CTNNA3: variants seen among roughly 807,000 people sequenced by gnomAD.
The protein encoded by CTNNA3 is catenin alpha-3.
In CTNNA3, 76 loss-of-function variants were observed where a neutral mutation model predicts 95.7. That is an observed-to-expected ratio of 0.79 (90% confidence interval 0.66 to 0.96). CTNNA3 has a LOEUF of 0.96. CTNNA3 is among the 40% of genes least tolerant of loss of function. CTNNA3 has a pLI of 0.00. For missense variants in CTNNA3, 1,191 were observed against 1,089.8 expected (o/e 1.09, Z -1.31); for synonymous variants, 431 against 374.4 (o/e 1.15, Z -1.74).
intron 11 of CTNNA3, among the ~76,000 whole-genome samples, chr10:66,398,044 T>C (rs1363571320): frequency 6.6e-6 from 1 of 151,932 alleles, no homozygotes; most frequent in Non-Finnish European, 1.5e-5. Flanking sequence ...GAGTAATATT[T>C]ATATAAAAGA....
rs191107368 is a variant in CTNNA3 at position 66,820,379 on chromosome 10, C to T, written c.1048-44855G>A. 7.7e-4 allele frequency among the ~76,000 whole-genome samples: 116 copies of T among 150,878 alleles called. 1 individual carries two copies. The highest frequency in any genetic ancestry group is 3.4e-3 in the Middle Eastern group (1 of 292). On this transcript the variant is annotated intron_variant, in intron 7 of 17. Coordinates refer to ENST00000433211, the MANE Select transcript of CTNNA3 (RefSeq NM_013266.4). ...ATTAAAGGGTTTTTTTTTGAGGTGA[C>T]GAAAATATACTAGTATTAGATAATG...
At chr10:66,515,079 A>G (rs1440982381) in intron 11 of CTNNA3, among the ~76,000 whole-genome samples, 1 of 152,090 alleles carries the variant, frequency 6.6e-6, no homozygotes, top group East Asian at 1.9e-4. Flanking sequence ...ATATTTTACC[A>G]CATGTGATCT....
chr10:66,880,991 A>T (rs1407771174), intron 7 of CTNNA3, among the ~76,000 whole-genome samples: 1 of 152,096 alleles, frequency 6.6e-6, no homozygotes, highest in East Asian at 1.9e-4. Flanking sequence ...AGCCATGGAG[A>T]ATGTTGAATT....
intron 3 of CTNNA3, among the ~76,000 whole-genome samples, chr10:67,597,860 G>C (rs1842973131): frequency 6.6e-6 from 1 of 152,210 alleles, no homozygotes; most frequent in African/African-American, 2.4e-5. Flanking sequence ...AAAGTGGTGG[G>C]TGGAAGCTGT....
chr10:66,566,223 G>A (rs1842700568), intron 10 of CTNNA3, among the ~76,000 whole-genome samples: 1 of 152,114 alleles, frequency 6.6e-6, no homozygotes. Flanking sequence ...TCCCAAAATG[G>A]AACAGTGATA....
At chr10:67,007,392 C>A (rs1186140592) in intron 7 of CTNNA3, among the ~76,000 whole-genome samples, 2 of 148,864 alleles carry the variant, frequency 1.3e-5, no homozygotes, top group Middle Eastern at 3.5e-3. Context: ...TTATTGGCTT[C>A]AATCTGACTT....
At position 66,981,632 on chromosome 10, in the gene CTNNA3, C is replaced by T. The variant is rs569038023; in HGVS notation, c.1047+198685G>A. On this transcript the variant is annotated intron_variant, in intron 7 of 17. Coordinates refer to ENST00000433211, the MANE Select transcript of CTNNA3 (RefSeq NM_013266.4). ...TGGCATCTGTGGTTAATTTTTAGTA[C>T]AATATTGCACATATTGAATGGCAGT... 2.0e-5 allele frequency among the ~76,000 whole-genome samples: 3 copies of T among 152,292 alleles called. No individual in the cohort carries two copies. The South Asian group carries it at 6.2e-4, about 32-fold the overall frequency.
chr10:66,284,856 G>A (rs537418433), intron 12 of CTNNA3, among the ~76,000 whole-genome samples: 3 of 151,744 alleles, frequency 2.0e-5, no homozygotes, highest in Non-Finnish European at 2.9e-5. Context: ...TAAGTAACTG[G>A]GAGAGAATTA....
chr10:66,223,675 T>C (rs1303306311), intron 13 of CTNNA3, among the ~76,000 whole-genome samples: 2 of 152,218 alleles, frequency 1.3e-5, no homozygotes, highest in Non-Finnish European at 2.9e-5. Context: ...ATTATTGGCT[T>C]GGTATACATG....
intron 10 of CTNNA3, among the ~76,000 whole-genome samples, chr10:66,553,398 T>C (rs1589415257): frequency 6.7e-6 from 1 of 150,032 alleles, no homozygotes; most frequent in Non-Finnish European, 1.5e-5. Flanking sequence ...ATTGTTATTG[T>C]TGTACATTGT....
chr10:66,109,433 C>T (rs1026368773), intron 13 of CTNNA3, among the ~76,000 whole-genome samples: 15 of 152,166 alleles, frequency 9.9e-5, no homozygotes, highest in African/African-American at 3.6e-4. Context: ...CTACCACACA[C>T]ATTTGGACCC....
chr10:66,197,372 A>G (rs1265315233), intron 13 of CTNNA3, among the ~76,000 whole-genome samples: 4 of 148,198 alleles, frequency 2.7e-5, no homozygotes, highest in Admixed American at 6.6e-5. Flanking sequence ...CTATCTATCT[A>G]TCTATCTATC....
At chr10:66,319,088 T>C (rs1315281487) in intron 12 of CTNNA3, among the ~76,000 whole-genome samples, 3 of 152,102 alleles carry the variant, frequency 2.0e-5, no homozygotes, top group Non-Finnish European at 4.4e-5. Context: ...TTATAAAGTA[T>C]GAACTTGGTC....
At chr10:66,920,394 G>C (rs1304275534) in intron 7 of CTNNA3, among the ~76,000 whole-genome samples, 2 of 152,148 alleles carry the variant, frequency 1.3e-5, no homozygotes, top group African/African-American at 4.8e-5. Context: ...TACATGTGTT[G>C]AGTCCAAATG....
chr10:67,347,213 G>T (rs963775668), intron 5 of CTNNA3, among the ~76,000 whole-genome samples: 1 of 151,746 alleles, frequency 6.6e-6, no homozygotes, highest in Non-Finnish European at 1.5e-5. Flanking sequence ...CCAATGCCCA[G>T]CTAATTTGGG....
intron 13 of CTNNA3, among the ~76,000 whole-genome samples, chr10:66,143,326 G>T (rs1762120611): frequency 6.6e-6 from 1 of 151,970 alleles, no homozygotes; most frequent in Non-Finnish European, 1.5e-5. Flanking sequence ...ATTAAAATCA[G>T]GTTTTTAAAA....
intron 15 of CTNNA3, among the ~76,000 whole-genome samples, chr10:66,004,436 G>C (rs1257187841): frequency 6.6e-6 from 1 of 152,022 alleles, no homozygotes; most frequent in Non-Finnish European, 1.5e-5. Context: ...AGATCTAAGG[G>C]GGGGAATTAC....
intron 5 of CTNNA3, among the ~76,000 whole-genome samples, chr10:67,263,378 T>G (rs1268353066): frequency 1.3e-5 from 2 of 152,156 alleles, no homozygotes; most frequent in Admixed American, 1.3e-4. Flanking sequence ...CTGAGAGATA[T>G]AAGTCAGAGG....
intron 11 of CTNNA3, among the ~76,000 whole-genome samples, chr10:66,433,000 AGTATTCTATGGT>A (rs2093309878): frequency 6.6e-6 from 1 of 152,202 alleles, no homozygotes; most frequent in Admixed American, 6.5e-5. Context: ...ATGGCTGCAT[AGTATTCTATGGT>A]GTATATGTGC....
Sources: allele counts gnomAD v4.1 joint callset (sites outside exome capture counted in the v4.1 genomes callset), GRCh38; gene constraint gnomAD v4.1.1; transcripts MANE v1.5; gene names NCBI Gene and HGNC (gene_info 2026-07-23, HGNC 2026-07-21).